PDE10A: variants seen among roughly 807,000 people sequenced by gnomAD.
PDE10A encodes phosphodiesterase 10A.
A neutral mutation model predicts 97.7 loss-of-function variants in PDE10A; 39 were observed. The ratio of observed to expected loss-of-function variants is 0.40; its 90% CI spans 0.31 to 0.52. The LOEUF is 0.52. PDE10A is among the 20% of genes least tolerant of loss of function. PDE10A has a pLI of 0.56. For synonymous variants in PDE10A, 371 were observed against 376.8 expected (o/e 0.98, Z 0.18); for missense variants, 731 against 1,047.8 (o/e 0.70, Z 4.17).
intron 1 of PDE10A, among the ~76,000 whole-genome samples, chr6:165,569,350 G>C (rs1784938019): frequency 6.6e-6 from 1 of 152,062 alleles, no homozygotes; most frequent in African/African-American, 2.4e-5. Flanking sequence ...CATTTGTCCT[G>C]GGTTCCACAT....
intron 13 of PDE10A, among the ~76,000 whole-genome samples, chr6:165,409,887 A>AG (rs1459687104): frequency 1.1e-5 from 1 of 87,046 alleles, no homozygotes; most frequent in Non-Finnish European, 2.5e-5. Flanking sequence ...ACTTTTCAGA[A>AG]GTTTTTTTTT....
intron 1 of PDE10A, among the ~76,000 whole-genome samples, chr6:165,620,113 T>C (rs1046493378): frequency 6.6e-5 from 10 of 152,170 alleles, no homozygotes. Context: ...TTAATTGTAT[T>C]ATTTCCCTGT....
At chr6:165,396,209 T>C (rs1786144016) in intron 14 of PDE10A, 108 bp downstream of exon 14, 4 of 968,322 alleles carry the variant, frequency 4.1e-6, no homozygotes, top group Non-Finnish European at 6.2e-6. Flanking sequence ...AAACTCCACA[T>C]GTAATATGTG....
chr6:165,477,399 C>T (rs1000376113), intron 3 of PDE10A, among the ~76,000 whole-genome samples: 1 of 152,162 alleles, frequency 6.6e-6, no homozygotes, highest in African/African-American at 2.4e-5. Flanking sequence ...AGCACGGTGC[C>T]TGTGTTATTT....
chr6:165,711,599 T>C lies in PDE10A; in HGVS notation c.-614-168031A>G, dbSNP rs1336457922. On this transcript the variant is annotated intron_variant, in intron 1 of 19. Transcript: ENST00000366882. This position sits in a 1 kb window ranked among gnomAD's most constrained non-coding sequence, Gnocchi z 4.5. ...CCAGCCAGGCCCAAACGCTGAGGAA[T>C]GTGAGTGTGTGTCTTGGTAGGGTCA... 4.6e-5 allele frequency among the ~76,000 whole-genome samples: 7 copies of C among 152,232 alleles called. No individual in the cohort carries two copies. In the South Asian group the frequency reaches 1.2e-3, roughly 27 times the overall value.
chr6:165,616,963 C>G (rs568751059), intron 1 of PDE10A, among the ~76,000 whole-genome samples: 1 of 152,228 alleles, frequency 6.6e-6, no homozygotes, highest in East Asian at 1.9e-4. Context: ...CAAAATGAGT[C>G]AATGCTATTT....
intron 1 of PDE10A, among the ~76,000 whole-genome samples, chr6:165,693,902 CAGTTTTAGA>C (rs1409114431): frequency 6.6e-6 from 1 of 152,156 alleles, no homozygotes; most frequent in Non-Finnish European, 1.5e-5. Flanking sequence ...TGCTCATACA[CAGTTTTAGA>C]AGTTTTTTTT....
chr6:165,370,395 A>G (rs1309493573), intron 18 of PDE10A, among the ~76,000 whole-genome samples: 58 of 147,652 alleles, frequency 3.9e-4, no homozygotes, highest in Non-Finnish European at 9.0e-5. Context: ...TCTACCAAGC[A>G]AATGGAAAAC....
At chr6:165,944,135 G>A (rs1480787048) in intron 1 of PDE10A, among the ~76,000 whole-genome samples, 1 of 152,178 alleles carries the variant, frequency 6.6e-6, no homozygotes, top group South Asian at 2.1e-4. Context: ...AAAAAGGGGG[G>A]AAATCCCTTC....
intron 18 of PDE10A, among the ~76,000 whole-genome samples, chr6:165,352,208 C>T (rs147449612): frequency 2.4e-4 from 37 of 152,232 alleles, no homozygotes; most frequent in Middle Eastern, 6.8e-3. Context: ...TTCCACTAAA[C>T]GAAAATGCAT....
At chr6:165,779,002 T>C (rs921046236) in intron 1 of PDE10A, among the ~76,000 whole-genome samples, 1 of 152,230 alleles carries the variant, frequency 6.6e-6, no homozygotes, top group African/African-American at 2.4e-5. Flanking sequence ...TATTATTTAA[T>C]GAGCAGAAGT....
chr6:165,608,175 G>A (rs886380377), intron 1 of PDE10A, among the ~76,000 whole-genome samples: 7 of 150,336 alleles, frequency 4.7e-5, no homozygotes, highest in Non-Finnish European at 5.9e-5. Context: ...GGTTTGTTAC[G>A]TATGTATACA....
chr6:165,810,635 C>A (rs1779258087), intron 1 of PDE10A, among the ~76,000 whole-genome samples: 1 of 152,184 alleles, frequency 6.6e-6, no homozygotes, highest in Non-Finnish European at 1.5e-5. Context: ...CTCTTTCAGT[C>A]ACTTGGCAGA....
At position 165,481,565 on chromosome 6, in the gene PDE10A, T is replaced by C. The variant is rs1411510674; in HGVS notation, c.1023+750A>G. ...ATCTCTAAGGTTGCATTAAGTTCCA[T>C]TCAAACTGATTATTTTCAATATTTC... On this transcript the variant is annotated intron_variant, in intron 3 of 21. Transcript: ENST00000539869. Among the ~76,000 whole-genome samples, 4 of 152,248 alleles carry C rather than the reference T, an allele frequency of 2.6e-5. No homozygotes were observed. In the East Asian group the frequency reaches 5.8e-4, roughly 22 times the overall value.
chr6:165,574,693 A>G (rs1785216504), intron 1 of PDE10A, among the ~76,000 whole-genome samples: 1 of 152,240 alleles, frequency 6.6e-6, no homozygotes, highest in Non-Finnish European at 1.5e-5. Context: ...CAGACTGTAC[A>G]TTAAAAAGCT....
intron 13 of PDE10A, 76 bp downstream of exon 13, chr6:165,413,425 C>A: frequency 5.1e-6 from 5 of 972,704 alleles, no homozygotes; most frequent in Non-Finnish European, 7.6e-6. Flanking sequence ...AAAAAAAAGC[C>A]CTTAAGCTGC....
At chr6:165,596,047 A>G (rs755454831) in intron 1 of PDE10A, among the ~76,000 whole-genome samples, 2 of 152,234 alleles carry the variant, frequency 1.3e-5, no homozygotes, top group Non-Finnish European at 2.9e-5. Context: ...GTATCATTCC[A>G]TGGATTACTC....
intron 1 of PDE10A, among the ~76,000 whole-genome samples, chr6:165,588,061 A>G (rs770971686): frequency 6.6e-6 from 1 of 152,228 alleles, no homozygotes; most frequent in South Asian, 2.1e-4. Flanking sequence ...TCAATAAGAA[A>G]TGTATCTTTT....
At chr6:165,439,199 C>G (rs1412418899) in intron 5 of PDE10A, among the ~76,000 whole-genome samples, 2 of 151,984 alleles carry the variant, frequency 1.3e-5, no homozygotes, top group Non-Finnish European at 2.9e-5. Context: ...AAACACCAGA[C>G]ATTATTTTAA....
Sources: gnomAD v4.1 joint callset for allele counts (sites outside exome capture counted in the v4.1 genomes callset) on GRCh38, gnomAD v4.1.1 for gene constraint, Gnocchi (gnomAD v3.1) non-coding constraint, MANE v1.5 for transcripts, NCBI Gene and HGNC (gene_info 2026-07-23, HGNC 2026-07-21) for gene names.